The following RORB variants were observed in gnomAD, a reference collection of about 807,000 sequenced individuals.
The protein encoded by RORB is nuclear receptor ROR-beta.
A neutral mutation model predicts 59.1 loss-of-function variants in RORB; 6 were observed. The ratio of observed to expected loss-of-function variants is 0.10; its 90% confidence interval spans 0.06 to 0.20. RORB has a LOEUF of 0.20. RORB is among the 10% of genes least tolerant of loss of function. The probability of loss-of-function intolerance (pLI) is 1.00; values close to 1 mark genes in which losing one functional copy is unlikely to be tolerated. For synonymous variants in RORB, 215 were observed against 204.5 expected (o/e 1.05, Z -0.44); for missense variants, 320 against 560.5 (o/e 0.57, Z 4.33).
intron 1 of RORB, chr9:74,498,368 T>G: frequency 6.7e-5 from 12 of 179,000 alleles, no homozygotes; most frequent in East Asian, 2.8e-4. Context: ...CGGCGCGCAG[T>G]GGTCGCCGGC....
intron 1 of RORB, among the ~76,000 whole-genome samples, chr9:74,583,951 A>T (rs1165967447): frequency 2.6e-5 from 4 of 152,220 alleles, no homozygotes; most frequent in Non-Finnish European, 4.4e-5. Flanking sequence ...GCTCAAGCTT[A>T]TGCAAATGTT....
chr9:74,518,860 T>A (rs1826047263), intron 1 of RORB, among the ~76,000 whole-genome samples: 1 of 151,960 alleles, frequency 6.6e-6, no homozygotes, highest in Non-Finnish European at 1.5e-5. Flanking sequence ...TAAAGTCTAG[T>A]AGACCTGTCC....
chr9:74,616,919 C>A (rs1016542258), intron 1 of RORB, among the ~76,000 whole-genome samples: 1 of 151,814 alleles, frequency 6.6e-6, no homozygotes, highest in Non-Finnish European at 1.5e-5. Flanking sequence ...CAAAGAGAAC[C>A]AGATATTTCT....
At chr9:74,538,573 GTTA>G (rs1310549618) in intron 1 of RORB, among the ~76,000 whole-genome samples, 2 of 151,816 alleles carry the variant, frequency 1.3e-5, no homozygotes, top group Admixed American at 6.6e-5. Context: ...CACCTCAATT[GTTA>G]TTATTTATTA....
At chr9:74,681,595 A>G (rs1000348413) in intron 9 of RORB, among the ~76,000 whole-genome samples, 1 of 152,258 alleles carries the variant, frequency 6.6e-6, no homozygotes, top group Admixed American at 6.5e-5. Flanking sequence ...TCCAAATCGC[A>G]TAAAAGAAGG....
At chr9:74,591,257 T>A (rs925787763) in intron 1 of RORB, among the ~76,000 whole-genome samples, 2 of 152,196 alleles carry the variant, frequency 1.3e-5, no homozygotes, top group Admixed American at 1.3e-4. Flanking sequence ...TCAACTAGCT[T>A]TACGTCACCT....
At chr9:74,654,685 TTTTA>T (rs1007158861) in intron 4 of RORB, among the ~76,000 whole-genome samples, 64 of 152,298 alleles carry the variant, frequency 4.2e-4, no homozygotes, top group South Asian at 1.9e-3. Context: ...TGAGACTTCT[TTTTA>T]TTTGATTCAC....
At chr9:74,596,879 GCTAGTGGCTACCAT>G (rs1191098807) in intron 1 of RORB, among the ~76,000 whole-genome samples, 1 of 152,198 alleles carries the variant, frequency 6.6e-6, no homozygotes, top group Non-Finnish European at 1.5e-5. Context: ...TGGTCATGTG[GCTAGTGGCTACCAT>G]ATTAGAGAGT....
intron 3 of RORB, among the ~76,000 whole-genome samples, chr9:74,641,744 TAA>T (rs748036194): frequency 7.2e-6 from 1 of 139,102 alleles, no homozygotes; most frequent in Non-Finnish European, 1.6e-5. Flanking sequence ...CTACAAAAAT[TAA>T]AAAAAAAAAA....
intron 1 of RORB, among the ~76,000 whole-genome samples, chr9:74,548,545 T>G (rs959815237): frequency 1.3e-5 from 2 of 152,220 alleles, no homozygotes; most frequent in African/African-American, 4.8e-5. Flanking sequence ...GCAATTTACT[T>G]TTTCAGAATA....
Position 74,649,175 on chromosome 9 carries a change from C to T in RORB, c.637+6360C>T, listed in dbSNP as rs1823951159. Among the ~76,000 whole-genome samples, 3 of 152,156 alleles carry T rather than the reference C, an allele frequency of 2.0e-5. No individual in the cohort carries two copies. In the East Asian group the frequency reaches 5.8e-4, roughly 29 times the overall value. On this transcript the variant is annotated intron_variant, in intron 4 of 9. Coordinates refer to ENST00000376896, the MANE Select transcript of RORB (RefSeq NM_006914.4). ...ATGTTGACTAGGCTGGTCTTGAACT[C>T]CTGACCTCAGGTAACACACCCGCCT...
At chr9:74,622,577 A>G (rs1350504626) in intron 1 of RORB, among the ~76,000 whole-genome samples, 1 of 118,094 alleles carries the variant, frequency 8.5e-6, no homozygotes, top group Non-Finnish European at 1.6e-5. Flanking sequence ...CCCAGGCCGG[A>G]GTGCAGTGAT....
chr9:74,670,833 T>C (rs959475106), intron 8 of RORB, among the ~76,000 whole-genome samples: 1 of 152,312 alleles, frequency 6.6e-6, no homozygotes, highest in Non-Finnish European at 1.5e-5. Context: ...TGAAAGCTTT[T>C]GTACTCACTT....
At chr9:74,548,157 A>ACCGTGGGTAAC (rs1826532457) in intron 1 of RORB, among the ~76,000 whole-genome samples, 3 of 152,164 alleles carry the variant, frequency 2.0e-5, no homozygotes, top group Non-Finnish European at 4.4e-5. Flanking sequence ...GTTACCCATA[A>ACCGTGGGTAAC]CGGCATGACC....
chr9:74,562,072 A>G (rs1443943577), intron 1 of RORB, among the ~76,000 whole-genome samples: 1 of 152,202 alleles, frequency 6.6e-6, no homozygotes, highest in Non-Finnish European at 1.5e-5. Context: ...TGTTGTCAGT[A>G]CGTCATATTG....
chr9:74,619,767 T>A (rs1823378271), intron 1 of RORB, among the ~76,000 whole-genome samples: 1 of 152,030 alleles, frequency 6.6e-6, no homozygotes. Context: ...TTGAATTTTG[T>A]CGAAGACCTT....
intron 1 of RORB, among the ~76,000 whole-genome samples, chr9:74,629,754 A>G (rs1013099220): frequency 5.3e-5 from 8 of 152,216 alleles, no homozygotes; most frequent in Non-Finnish European, 8.8e-5. Context: ...CAGCATGCTC[A>G]GTAAATATTG....
At chr9:74,662,850 C>T (rs1824211461) in intron 6 of RORB, among the ~76,000 whole-genome samples, 1 of 152,068 alleles carries the variant, frequency 6.6e-6, no homozygotes. Flanking sequence ...GGTTGAAATA[C>T]CCAGCTTGAC....
intron 1 of RORB, among the ~76,000 whole-genome samples, chr9:74,576,904 G>C (rs749127929): frequency 1.7e-4 from 26 of 152,068 alleles, no homozygotes; most frequent in Non-Finnish European, 3.8e-4. Context: ...TGGCAGTAAT[G>C]CTCATTCATT....
Sources: gnomAD v4.1 joint callset for allele counts (sites outside exome capture counted in the v4.1 genomes callset) on GRCh38, gnomAD v4.1.1 for gene constraint, MANE v1.5 for transcripts, NCBI Gene and HGNC (gene_info 2026-07-23, HGNC 2026-07-21) for gene names.